FOXO1: variants seen among roughly 807,000 people sequenced by gnomAD.
FOXO1 encodes forkhead box O1.
Under a neutral mutation model 44.1 loss-of-function variants are expected in FOXO1, and 6 were observed. The observed-to-expected ratio is 0.14, with a 90% CI of 0.07 to 0.27. FOXO1 has a LOEUF of 0.27. Ranked by LOEUF, FOXO1 falls within the 10% of genes least tolerant of loss-of-function variation. FOXO1 has a pLI of 1.00. For synonymous variants in FOXO1, 380 were observed against 362.7 expected, an observed-to-expected ratio of 1.05 and a Z score of -0.54; for missense variants, 737 against 888.8, an observed-to-expected ratio of 0.83 and a Z score of 2.17.
chr13:40,642,543 A>G (rs1217355885), intron 1 of FOXO1, among the ~76,000 whole-genome samples: 1 of 152,220 alleles, frequency 6.6e-6, no homozygotes, highest in Non-Finnish European at 1.5e-5. Context: ...GAATCCTAAC[A>G]TGATCAGCTC....
intron 1 of FOXO1, among the ~76,000 whole-genome samples, chr13:40,564,514 G>C (rs1399367989): frequency 6.6e-6 from 1 of 152,112 alleles, no homozygotes; most frequent in Non-Finnish European, 1.5e-5. Context: ...TAGGGGGTGG[G>C]GTTTGAAAAG....
chr13:40,637,254 C>A (rs895172051), intron 1 of FOXO1, among the ~76,000 whole-genome samples: 1 of 152,026 alleles, frequency 6.6e-6, no homozygotes, highest in African/African-American at 2.4e-5. Flanking sequence ...GCCATCCTGG[C>A]TAACACGGTG....
intron 1 of FOXO1, among the ~76,000 whole-genome samples, chr13:40,603,060 GA>G (rs1318842150): frequency 6.6e-6 from 1 of 152,134 alleles, no homozygotes; most frequent in Non-Finnish European, 1.5e-5. Context: ...ATCTCAATCT[GA>G]CAGAGCCATT....
At chr13:40,571,823 G>A (rs1017669228) in intron 1 of FOXO1, among the ~76,000 whole-genome samples, 1 of 152,040 alleles carries the variant, frequency 6.6e-6, no homozygotes, top group African/African-American at 2.4e-5. Context: ...GCATTATAAC[G>A]CAATTAACTA....
chr13:40,640,758 T>TCTG (rs1877321119), intron 1 of FOXO1, among the ~76,000 whole-genome samples: 3 of 140,424 alleles, frequency 2.1e-5, no homozygotes, highest in Non-Finnish European at 4.6e-5. Context: ...TGTTATTTCT[T>TCTG]TTGTTGTTGT....
At chr13:40,611,242 C>A (rs1478609918) in intron 1 of FOXO1, 2 of 312,330 alleles carry the variant, frequency 6.4e-6, no homozygotes, top group Non-Finnish European at 1.3e-5. Context: ...TTTATGACAC[C>A]ATGTCAGAAT....
chr13:40,559,982 G>C lies in FOXO1; in HGVS notation c.1509C>G (p.Val503=). The change falls in exon 2 of 3, where the codon GTC becomes GTG. Residue 503 remains valine (V), a synonymous_variant. Coordinates refer to ENST00000379561, the MANE Select transcript of FOXO1 (RefSeq NM_002015.4). ...ATGCCTGGCTGCCATAGGTTGACATGACCGAATTAGGGCCCATCATGACGT... is the reference window on the plus strand; with the variant it reads ...ATGCCTGGCTGCCATAGGTTGACATCACCGAATTAGGGCCCATCATGACGT... ...GQNVMMGPNS[V]MSTYGSQASH... The C allele has an allele frequency of 6.2e-7, 1 of 1,614,154 alleles. No homozygotes were observed. The highest frequency in any genetic ancestry group is 8.5e-7 in the Non-Finnish European group (1 of 1,180,040).
chr13:40,654,239 A>T (rs1327603348), intron 1 of FOXO1, among the ~76,000 whole-genome samples: 1 of 143,642 alleles, frequency 7.0e-6, no homozygotes, highest in African/African-American at 2.5e-5. Flanking sequence ...GCACTTTGGG[A>T]GGCTGAGGTG....
chr13:40,616,614 T>A (rs1403350980), intron 1 of FOXO1, among the ~76,000 whole-genome samples: 3 of 152,162 alleles, frequency 2.0e-5, no homozygotes, highest in Non-Finnish European at 4.4e-5. Context: ...AAGGCCATCA[T>A]GAGGGATTTT....
At chr13:40,598,239 C>T (rs1263709219) in intron 1 of FOXO1, among the ~76,000 whole-genome samples, 2 of 152,076 alleles carry the variant, frequency 1.3e-5, no homozygotes, top group Non-Finnish European at 2.9e-5. Context: ...GAATATGGCA[C>T]AGGGTAGCAA....
At chr13:40,595,938 A>AT (rs71080387) in intron 1 of FOXO1, among the ~76,000 whole-genome samples, 28,243 of 130,832 alleles carry the variant, frequency 0.22, 3,147 homozygotes, top group African/African-American at 0.24. Flanking sequence ...ATGTCAGCTA[A>AT]TTTTTTTTTT....
chr13:40,585,085 C>T (rs1053280268), intron 1 of FOXO1, among the ~76,000 whole-genome samples: 1 of 152,156 alleles, frequency 6.6e-6, no homozygotes, highest in Non-Finnish European at 1.5e-5. Context: ...GTTAGTGGTA[C>T]TTTTGGTCAT....
intron 1 of FOXO1, among the ~76,000 whole-genome samples, chr13:40,605,327 T>C (rs1043128208): frequency 2.6e-5 from 4 of 152,196 alleles, no homozygotes; most frequent in African/African-American, 9.7e-5. Flanking sequence ...TTTGAGAGAA[T>C]TCCAGAGTAC....
intron 1 of FOXO1, among the ~76,000 whole-genome samples, chr13:40,624,861 C>G (rs1185005976): frequency 6.6e-6 from 1 of 152,114 alleles, no homozygotes; most frequent in African/African-American, 2.4e-5. Context: ...GTATATAACA[C>G]AGAATATTTC....
chr13:40,616,409 A>G (rs566931093), intron 1 of FOXO1, among the ~76,000 whole-genome samples: 18 of 152,344 alleles, frequency 1.2e-4, no homozygotes, highest in African/African-American at 4.3e-4. Flanking sequence ...AATTTGAAAG[A>G]CAAGAACTAA....
At chr13:40,592,544 A>G (rs752942543) in intron 1 of FOXO1, among the ~76,000 whole-genome samples, 1 of 152,192 alleles carries the variant, frequency 6.6e-6, no homozygotes, top group Non-Finnish European at 1.5e-5. Context: ...CATGTTCTGA[A>G]TATCTCCAAT....
At position 40,560,816 on chromosome 13, in the gene FOXO1, A is replaced by G; in HGVS notation, c.675T>C (p.Arg225=). ...HNLSLHSKFI[R]VQNEGTGKSS... is the part of the protein sequence containing the mutation. ...TTTTTCCAGTTCCTTCATTCTGCAC[A>G]CGAATGAACTTGCTGTGTAGGGACA... Residue 225 remains arginine, a synonymous_variant, in exon 2 of 3, where the codon CGT becomes CGC. Coordinates refer to ENST00000379561, the MANE Select transcript of FOXO1 (RefSeq NM_002015.4). The surrounding 1 kb of genome is among the most constrained non-coding windows in gnomAD (Gnocchi z 5.1). 6.2e-7 allele frequency: 1 copy of G among 1,613,412 alleles called. No individual in the cohort carries two copies. The highest frequency in any genetic ancestry group is 8.5e-7 in the Non-Finnish European group (1 of 1,179,528).
intron 1 of FOXO1, among the ~76,000 whole-genome samples, chr13:40,602,063 A>G (rs1475564942): frequency 6.6e-6 from 1 of 152,198 alleles, no homozygotes; most frequent in Admixed American, 6.5e-5. Flanking sequence ...CACTAAAGCA[A>G]AAGACAAGCA....
chr13:40,633,330 T>C (rs530724572), intron 1 of FOXO1, among the ~76,000 whole-genome samples: 52 of 152,340 alleles, frequency 3.4e-4, no homozygotes, highest in Non-Finnish European at 6.6e-4. Context: ...CAAAACATTA[T>C]TAATAACAGC....
Sources: gnomAD v4.1 joint callset for allele counts (sites outside exome capture counted in the v4.1 genomes callset) on GRCh38, gnomAD v4.1.1 for gene constraint, Gnocchi (gnomAD v3.1) non-coding constraint, MANE v1.5 for transcripts, NCBI Gene and HGNC (gene_info 2026-07-23, HGNC 2026-07-21) for gene names.